Variants in TOX3 observed in about 807,000 individuals in gnomAD.
TOX3 encodes the protein TOX high mobility group box family member 3.
In TOX3, 22 loss-of-function variants were observed where a neutral mutation model predicts 64.3. The ratio of observed to expected loss-of-function variants is 0.34; its 90% CI spans 0.24 to 0.49. TOX3 has a LOEUF of 0.49. Ranked by LOEUF, TOX3 falls within the 20% of genes least tolerant of loss-of-function variation. TOX3 has a pLI of 0.99. For synonymous variants in TOX3, 291 were observed against 273.6 expected, an observed-to-expected ratio of 1.06 and a Z score of -0.63; for missense variants, 661 against 714.4, an observed-to-expected ratio of 0.93 and a Z score of 0.85.
chr16:52,482,081 G>A (rs759838530), intron 1 of TOX3, among the ~76,000 whole-genome samples: 3 of 152,066 alleles, frequency 2.0e-5, no homozygotes, highest in Non-Finnish European at 4.4e-5. Flanking sequence ...TGTGGCTAAT[G>A]GTTTCTTAAA....
intron 3 of TOX3, among the ~76,000 whole-genome samples, chr16:52,462,958 G>A (rs1272773607): frequency 1.3e-5 from 2 of 151,994 alleles, no homozygotes; most frequent in Non-Finnish European, 2.9e-5. Context: ...ATATTTCAGA[G>A]AGCACTTTGA....
At chr16:52,498,346 T>C (rs376328770) in intron 1 of TOX3, among the ~76,000 whole-genome samples, 6 of 152,310 alleles carry the variant, frequency 3.9e-5, no homozygotes, top group African/African-American at 1.4e-4. Flanking sequence ...ACAAATGTTA[T>C]ATAAGAGCAA....
chr16:52,536,676 T>TATACAC lies in TOX3; in HGVS notation c.87+9960_87+9961insGTGTAT, dbSNP rs1555488494. On this transcript the variant is annotated intron_variant, in intron 1 of 6. Coordinates refer to ENST00000219746, the MANE Select transcript of TOX3 (RefSeq NM_001080430.4). ...ATATATATATATATATATATATATA[T>TATACAC]ACATGTGTATATATAGAACAAGATA... Among the ~76,000 whole-genome samples the TATACAC allele has an allele frequency of 7.1e-4, 56 of 78,382 alleles. 3 individuals are homozygous for TATACAC. The East Asian group carries it at 7.2e-3, about 10-fold the overall frequency. The allele number at this position is 78,382 out of a possible 152,430, so 51.4% of individuals were successfully genotyped here.
rs761026810 is a variant in TOX3, at chr16:52,446,058, G to A, written c.842C>T (p.Thr281Ile). 3.0e-5 allele frequency: 48 copies of A among 1,613,818 alleles called. 1 individual carries two copies. The change falls in exon 5 of 7, where the codon ACC (threonine) becomes ATC (isoleucine). Residue 281 changes from threonine to isoleucine, a missense_variant. Physicochemically the swap from Thr to Ile is moderately conservative, Grantham distance 89. Transcript: ENST00000219746. ...TACAATTTTTGAGACCTCTCCAAAG[G>A]TTGCATTGGGGTTTTGACCTTTAAT... is the stretch of plus-strand genomic sequence containing the variant. ...AAIKGQNPNATFGEVSKIVAS... is the reference protein window; with the variant it reads ...AAIKGQNPNAIFGEVSKIVAS...
At chr16:52,470,132 C>T (rs894282782) in intron 1 of TOX3, among the ~76,000 whole-genome samples, 6 of 152,244 alleles carry the variant, frequency 3.9e-5, no homozygotes, top group Non-Finnish European at 8.8e-5. Context: ...CACACACTCA[C>T]ACACATATTT....
At chr16:52,538,750 C>A (rs907982410) in intron 1 of TOX3, among the ~76,000 whole-genome samples, 1 of 152,114 alleles carries the variant, frequency 6.6e-6, no homozygotes, top group Non-Finnish European at 1.5e-5. Context: ...GAATGTTAAT[C>A]ATACAAGAAG....
chr16:52,458,507 A>G (rs1354730892), intron 3 of TOX3, among the ~76,000 whole-genome samples: 1 of 152,218 alleles, frequency 6.6e-6, no homozygotes, highest in Non-Finnish European at 1.5e-5. Context: ...ATCACTAAGT[A>G]CTACAATACT....
At chr16:52,468,433 G>A in intron 2 of TOX3, 76 bp downstream of exon 2, 2 of 1,316,966 alleles carry the variant, frequency 1.5e-6, no homozygotes, top group Non-Finnish European at 2.2e-6. Context: ...TTGATACTTT[G>A]TTTTTCCCTT....
At chr16:52,473,056 C>T (rs1252862904) in intron 1 of TOX3, among the ~76,000 whole-genome samples, 2 of 152,048 alleles carry the variant, frequency 1.3e-5, no homozygotes, top group African/African-American at 4.8e-5. Context: ...AAAGGAGCAC[C>T]GCAGGATTTT....
intron 1 of TOX3, among the ~76,000 whole-genome samples, chr16:52,546,387 A>T (rs1017929446): frequency 2.0e-5 from 3 of 150,202 alleles, no homozygotes; most frequent in African/African-American, 7.3e-5. Context: ...GCAGCAAAGG[A>T]GAGTCTGGCG....
In TOX3 at chr16:52,516,895, G is replaced by T. The variant is rs76224643; in HGVS notation, c.87+29742C>A. Among the ~76,000 whole-genome samples, 813 of 152,154 alleles carry T rather than the reference G, an allele frequency of 5.3e-3. 8 individuals are homozygous for T. Among genetic ancestry groups the T allele is most frequent in the African/African-American group, 0.018 (738 of 41,486 alleles). ...ACATTTAAAATTGGCAGATTTTATT[G>T]TATGTAACATATCTGACTCCCCGAC... On this transcript the variant is annotated intron_variant, in intron 1 of 6. Transcript: ENST00000219746.
At chr16:52,481,206 T>A (rs1961360869) in intron 1 of TOX3, among the ~76,000 whole-genome samples, 1 of 152,224 alleles carries the variant, frequency 6.6e-6, no homozygotes, top group Non-Finnish European at 1.5e-5. Flanking sequence ...CCTTTGGATA[T>A]ATCTATAAGA....
intron 1 of TOX3, among the ~76,000 whole-genome samples, chr16:52,492,193 A>T (rs921875903): frequency 6.8e-6 from 1 of 148,058 alleles, no homozygotes; most frequent in South Asian, 2.1e-4. Context: ...GTTATTGGTC[A>T]TTTTTCAAAC....
At chr16:52,468,693 A>G (rs1960940953) in intron 1 of TOX3, 119 bp from the exon 2 acceptor site, 2 of 740,588 alleles carry the variant, frequency 2.7e-6, no homozygotes, top group Admixed American at 4.7e-5. Context: ...CAAATGCAAA[A>G]CATGACAAAG....
intron 4 of TOX3, among the ~76,000 whole-genome samples, chr16:52,449,548 T>C (rs184468111): frequency 4.4e-4 from 67 of 152,380 alleles, no homozygotes; most frequent in African/African-American, 1.5e-3. Context: ...GAGCTAGTTT[T>C]AAACATTGCT....
At position 52,458,597 on chromosome 16, in the gene TOX3, A is replaced by T. The variant is rs147888296; in HGVS notation, c.408+5337T>A. On this transcript the variant is annotated intron_variant, in intron 3 of 6. Transcript: ENST00000219746. The stretch of plus-strand genomic sequence containing the variant: ...GCCTTCTCATAACATTTTCCTTTAA[A>T]TGTTATAAACTAAACAATAATCATG... Among the ~76,000 whole-genome samples, 503 of 152,320 alleles carry T rather than the reference A, an allele frequency of 3.3e-3. 3 individuals carry two copies. The highest frequency in any genetic ancestry group is 0.012 in the African/African-American group (488 of 41,566).
At chr16:52,460,752 G>T (rs1216391409) in intron 3 of TOX3, among the ~76,000 whole-genome samples, 1 of 152,100 alleles carries the variant, frequency 6.6e-6, no homozygotes, top group Non-Finnish European at 1.5e-5. Flanking sequence ...GCTGGCAAAG[G>T]CTATAATAGC....
chr16:52,505,282 CA>C (rs1158359236), intron 1 of TOX3, among the ~76,000 whole-genome samples: 1 of 152,216 alleles, frequency 6.6e-6, no homozygotes, highest in Non-Finnish European at 1.5e-5. Context: ...TCAACGCAAT[CA>C]AATCGAATCA....
Position 52,436,658 on chromosome 16 carries a change from C to A in TOX3, c.*2567G>T, listed in dbSNP as rs982189631. The A allele has an allele frequency of 6.6e-6, 1 of 152,342 alleles. No individual in the cohort carries two copies. The highest frequency in any genetic ancestry group is 2.1e-4 in the South Asian group (1 of 4,832). The allele number at this position is 152,342 out of a possible 1,614,324, so 9.4% of individuals were successfully genotyped here. On this transcript the variant is annotated 3_prime_UTR_variant, in exon 7 of 7. Transcript: ENST00000219746. ...TTTGCCTGGTGATTAATTTTATAAACTGTAGTCATTAAACTTTTTTTTTCC... is the reference window on the plus strand; with the variant it reads ...TTTGCCTGGTGATTAATTTTATAAAATGTAGTCATTAAACTTTTTTTTTCC...
Sources: gnomAD v4.1 joint callset for allele counts (sites outside exome capture counted in the v4.1 genomes callset) on GRCh38, gnomAD v4.1.1 for gene constraint, MANE v1.5 for transcripts, NCBI Gene and HGNC (gene_info 2026-07-23, HGNC 2026-07-21) for gene names.